Variants in CLASP1 observed in about 807,000 individuals in gnomAD.
CLASP1 encodes the protein cytoplasmic linker associated protein 1.
In CLASP1, 38 loss-of-function variants were observed where a neutral mutation model predicts 192.3. That is an observed-to-expected ratio of 0.20 (90% CI 0.15 to 0.26). The LOEUF (loss-of-function observed/expected upper bound fraction) is 0.26, where lower values mean the gene tolerates loss of function less well. CLASP1 is among the 10% of genes least tolerant of loss of function. The pLI is 1.00. For missense variants in CLASP1, 1,433 were observed against 1,932.5 expected (o/e 0.74, Z 4.85); for synonymous variants, 691 against 712.8 (o/e 0.97, Z 0.49).
At chr2:121,526,799 T>C (rs1286544299) in intron 5 of CLASP1, among the ~76,000 whole-genome samples, 2 of 152,182 alleles carry the variant, frequency 1.3e-5, no homozygotes, top group African/African-American at 2.4e-5. Context: ...TTTTATGATA[T>C]ATACAGTATT....
At chr2:121,446,298 C>T (rs2084335128) in intron 19 of CLASP1, among the ~76,000 whole-genome samples, 1 of 152,106 alleles carries the variant, frequency 6.6e-6, no homozygotes, top group Non-Finnish European at 1.5e-5. Context: ...AGTTAGGTGG[C>T]TATTATTACA....
At chr2:121,594,528 G>C (rs1293705939) in intron 2 of CLASP1, among the ~76,000 whole-genome samples, 1 of 151,282 alleles carries the variant, frequency 6.6e-6, no homozygotes, top group Non-Finnish European at 1.5e-5. Context: ...GAGTAGCTGG[G>C]ACTACAGGCA....
At chr2:121,460,983 T>G (rs1559292545) in intron 11 of CLASP1, 118 bp downstream of exon 11, 1 of 665,856 alleles carries the variant, frequency 1.5e-6, no homozygotes. Context: ...TATGATAATT[T>G]GAACTTAAAA....
intron 6 of CLASP1, among the ~76,000 whole-genome samples, chr2:121,517,891 T>TA (rs2094351832): frequency 1.3e-5 from 1 of 75,174 alleles, no homozygotes; most frequent in East Asian, 4.1e-4. Context: ...TTTTTTTTTT[T>TA]AGAAAAAGGA....
intron 8 of CLASP1, among the ~76,000 whole-genome samples, chr2:121,492,198 G>A (rs2093340674): frequency 6.6e-6 from 1 of 151,960 alleles, no homozygotes; most frequent in Non-Finnish European, 1.5e-5. Flanking sequence ...AACCATCCTG[G>A]ATAATACGGT....
At chr2:121,624,377 A>G (rs927333571) in intron 1 of CLASP1, among the ~76,000 whole-genome samples, 3 of 151,982 alleles carry the variant, frequency 2.0e-5, no homozygotes, top group Non-Finnish European at 2.9e-5. Context: ...ATAAACATTC[A>G]TTGTTGAAAA....
At position 121,451,756 on chromosome 2, in the gene CLASP1, C is replaced by T. The variant is rs770887690; in HGVS notation, c.1445+34G>A. 1.5e-5 allele frequency: 23 copies of T among 1,539,208 alleles called. 1 individual carries two copies. In the South Asian group the frequency reaches 2.7e-4, roughly 18 times the overall value. ...AAGCATTCACTCTAAAGGCTCAATT[C>T]AGAGGGAAAAATGGTTTCAAATCAG... On this transcript the variant is annotated intron_variant, in intron 15 of 39. Coordinates refer to ENST00000263710, the Ensembl canonical transcript of CLASP1.
chr2:121,340,035 G>A (rs537692437), exon 40 of CLASP1: 35 of 152,358 alleles, frequency 2.3e-4, no homozygotes, highest in African/African-American at 8.4e-4. Context: ...CAGCAGTAAA[G>A]ATGAAAGACT....
chr2:121,357,371 T>C (rs1379187630), intron 37 of CLASP1, among the ~76,000 whole-genome samples: 1 of 152,108 alleles, frequency 6.6e-6, no homozygotes, highest in African/African-American at 2.4e-5. Context: ...TTACCTCACT[T>C]GACTTTAATG....
chr2:121,593,635 A>AAAAAG (rs2062705793), intron 2 of CLASP1, among the ~76,000 whole-genome samples: 3 of 150,704 alleles, frequency 2.0e-5, no homozygotes, highest in African/African-American at 7.3e-5. Context: ...TCAAAAAAAA[A>AAAAAG]AAAAAAAAAA....
At chr2:121,587,424 T>C (rs2061847139) in intron 2 of CLASP1, among the ~76,000 whole-genome samples, 1 of 152,106 alleles carries the variant, frequency 6.6e-6, no homozygotes, top group Admixed American at 6.5e-5. Context: ...TCCTCTTAAT[T>C]TCCTTAACAC....
At chr2:121,635,209 TA>T (rs776754807) in intron 1 of CLASP1, among the ~76,000 whole-genome samples, 206 of 137,076 alleles carry the variant, frequency 1.5e-3, no homozygotes, top group Admixed American at 6.1e-3. Context: ...ATTGCGTCTG[TA>T]AAAAAAAAAA....
chr2:121,498,669 AAG>A (rs2093628349), intron 8 of CLASP1, among the ~76,000 whole-genome samples: 1 of 152,258 alleles, frequency 6.6e-6, no homozygotes, highest in African/African-American at 2.4e-5. Flanking sequence ...CACATCTGGT[AAG>A]AGTCTGGTAT....
At chr2:121,433,875 A>T (rs1294963221) in intron 19 of CLASP1, among the ~76,000 whole-genome samples, 1 of 152,232 alleles carries the variant, frequency 6.6e-6, no homozygotes, top group Non-Finnish European at 1.5e-5. Flanking sequence ...CAGTGAGGGA[A>T]GTATTCCCTC....
At chr2:121,598,173 T>C (rs1254563084) in intron 2 of CLASP1, among the ~76,000 whole-genome samples, 1 of 152,258 alleles carries the variant, frequency 6.6e-6, no homozygotes, top group Non-Finnish European at 1.5e-5. Flanking sequence ...CCTTCCATGT[T>C]GAACAGCACC....
chr2:121,474,778 T>C (rs1328560829), intron 8 of CLASP1, among the ~76,000 whole-genome samples: 1 of 152,152 alleles, frequency 6.6e-6, no homozygotes, highest in Non-Finnish European at 1.5e-5. Flanking sequence ...GAGCAGCCAA[T>C]GTAGGGCTTT....
intron 26 of CLASP1, among the ~76,000 whole-genome samples, chr2:121,402,393 G>A (rs988168148): frequency 6.6e-6 from 1 of 152,210 alleles, no homozygotes; most frequent in Non-Finnish European, 1.5e-5. Flanking sequence ...AAGTAGCACT[G>A]AGTATCCCTA....
chr2:121,525,765 C>T, intron 6 of CLASP1, 80 bp downstream of exon 6: 3 of 924,548 alleles, frequency 3.2e-6, no homozygotes, highest in Non-Finnish European at 5.3e-6. Context: ...GACTCCAGTC[C>T]CACCCACTAC....
chr2:121,410,013 T>C (rs1351390701), intron 24 of CLASP1, among the ~76,000 whole-genome samples: 2 of 152,172 alleles, frequency 1.3e-5, no homozygotes, highest in African/African-American at 4.8e-5. Flanking sequence ...CCATAAACTA[T>C]AAAATGTTGA....
Sources: gnomAD v4.1 joint callset for allele counts (sites outside exome capture counted in the v4.1 genomes callset) on GRCh38, gnomAD v4.1.1 for gene constraint, MANE v1.5 for transcripts, NCBI Gene and HGNC (gene_info 2026-07-23, HGNC 2026-07-21) for gene names.